Variants in ARB2A observed in about 807,000 individuals in gnomAD.
The protein encoded by ARB2A is ARB2 cotranscriptional regulator A, also known as cotranscriptional regulator ARB2A.
chr5:93,771,182 C>CACACAAGCAA, the ARB2A span, among the ~76,000 whole-genome samples: 1 of 151,478 alleles, frequency 6.6e-6, no homozygotes, highest in Non-Finnish European at 1.5e-5. Flanking sequence ...TTTGACAAAC[C>CACACAAGCAA]TGAGAAAAAC....
chr5:93,938,349 A>G, the ARB2A span, among the ~76,000 whole-genome samples: 1 of 152,206 alleles, frequency 6.6e-6, no homozygotes, highest in Non-Finnish European at 1.5e-5. Context: ...AAATTTTCTG[A>G]TTTTATTACA....
chr5:93,763,519 G>A, the ARB2A span, among the ~76,000 whole-genome samples: 554 of 152,098 alleles, frequency 3.6e-3, 1 homozygote, highest in Admixed American at 6.5e-3. Context: ...TATATGCACC[G>A]AATACAGGAG....
chr5:94,068,862 CAAAAAAAAA>C, the ARB2A span, among the ~76,000 whole-genome samples: 14 of 62,352 alleles, frequency 2.2e-4, no homozygotes, highest in Non-Finnish European at 3.8e-4. Context: ...ACTAAAAATA[CAAAAAAAAA>C]AAAAAAAAAA....
chr5:94,095,193 T>C, the ARB2A span, among the ~76,000 whole-genome samples: 1 of 152,190 alleles, frequency 6.6e-6, no homozygotes, highest in Non-Finnish European at 1.5e-5. Context: ...GTCACATAGT[T>C]AGTATTTCTG....
chr5:93,958,990 TAATA>T, the ARB2A span: 21 of 1,482,878 alleles, frequency 1.4e-5, no homozygotes, highest in East Asian at 3.4e-4. Context: ...TAAAATTAAA[TAATA>T]AATAAATGTC....
At chr5:93,720,416 G>A in the ARB2A span, among the ~76,000 whole-genome samples, 1 of 152,076 alleles carries the variant, frequency 6.6e-6, no homozygotes, top group East Asian at 1.9e-4. Context: ...TATAGTTCAG[G>A]GTTAAGATCA....
the ARB2A span, among the ~76,000 whole-genome samples, chr5:93,748,634 T>C: frequency 6.6e-6 from 1 of 152,040 alleles, no homozygotes; most frequent in Non-Finnish European, 1.5e-5. Context: ...ACTATAAAAA[T>C]GACCATACAA....
At chr5:94,068,894 G>A in the ARB2A span, among the ~76,000 whole-genome samples, 1 of 150,856 alleles carries the variant, frequency 6.6e-6, no homozygotes, top group Non-Finnish European at 1.5e-5. Flanking sequence ...AAGGAGCCAG[G>A]TGTGGTGGTG....
the ARB2A span, among the ~76,000 whole-genome samples, chr5:93,931,459 C>T: frequency 1.3e-5 from 2 of 152,072 alleles, no homozygotes; most frequent in African/African-American, 4.8e-5. Context: ...AGCAAAACTC[C>T]ACCTCAAAAA....
chr5:94,051,438 A>G, the ARB2A span, among the ~76,000 whole-genome samples: 6 of 152,338 alleles, frequency 3.9e-5, no homozygotes, highest in Non-Finnish European at 8.8e-5. Context: ...CAGGCTATCA[A>G]ATCACATTCA....
the ARB2A span, among the ~76,000 whole-genome samples, chr5:93,664,356 T>C: frequency 6.6e-6 from 1 of 152,130 alleles, no homozygotes; most frequent in Non-Finnish European, 1.5e-5. Context: ...GCTGACATTA[T>C]AGGCATATTA....
chr5:93,827,101 G>T, the ARB2A span, among the ~76,000 whole-genome samples: 1 of 152,060 alleles, frequency 6.6e-6, no homozygotes, highest in Non-Finnish European at 1.5e-5. Context: ...AATCCTTTGG[G>T]TATATCCCCA....
chr5:93,867,878 T>G, the ARB2A span, among the ~76,000 whole-genome samples: 1 of 152,126 alleles, frequency 6.6e-6, no homozygotes, highest in South Asian at 2.1e-4. Context: ...TGTTTTCTTC[T>G]CATATTAAAT....
chr5:94,071,976 A>G, the ARB2A span, among the ~76,000 whole-genome samples: 2 of 152,100 alleles, frequency 1.3e-5, no homozygotes, highest in African/African-American at 2.4e-5. Flanking sequence ...ATGCCCTACA[A>G]TGGGTCAATG....
the ARB2A span, among the ~76,000 whole-genome samples, chr5:93,813,231 A>C: frequency 7.9e-4 from 121 of 152,324 alleles, no homozygotes; most frequent in Non-Finnish European, 1.5e-3. Context: ...ATGTTACCGG[A>C]CAATGGAGAA....
the ARB2A span, among the ~76,000 whole-genome samples, chr5:94,088,403 A>G: frequency 5.3e-5 from 8 of 152,210 alleles, no homozygotes; most frequent in Non-Finnish European, 1.2e-4. Context: ...CTATTGGGCC[A>G]GGCACAGTGG....
chr5:93,837,124 C>G, the ARB2A span, among the ~76,000 whole-genome samples: 1 of 152,108 alleles, frequency 6.6e-6, no homozygotes, highest in Non-Finnish European at 1.5e-5. Flanking sequence ...AAAATCCTCT[C>G]CCTCCTCCCA....
At chr5:93,766,653 T>A in the ARB2A span, among the ~76,000 whole-genome samples, 44 of 152,222 alleles carry the variant, frequency 2.9e-4, no homozygotes, top group South Asian at 4.4e-3. Flanking sequence ...GATCTAGAAC[T>A]AGAAATACCA....
At chr5:93,991,308 C>G in the ARB2A span, among the ~76,000 whole-genome samples, 1 of 152,108 alleles carries the variant, frequency 6.6e-6, no homozygotes, top group Admixed American at 6.6e-5. Context: ...TACCTGCTGC[C>G]AAAATAAAGT....
Sources: gnomAD v4.1 joint callset for allele counts (sites outside exome capture counted in the v4.1 genomes callset) on GRCh38, gnomAD v4.1.1 for gene constraint, MANE v1.5 for transcripts, NCBI Gene and HGNC (gene_info 2026-07-23, HGNC 2026-07-21) for gene names.